Variants in LRBA observed in about 807,000 individuals in gnomAD.
LRBA encodes LPS responsive beige-like anchor protein, also known as lipopolysaccharide-responsive and beige-like anchor protein.
LRBA carries 176 observed loss-of-function variants against 330.0 expected under a neutral mutation model. That is an observed-to-expected ratio of 0.53 (90% CI 0.47 to 0.60). The LOEUF is 0.60. Ranked by LOEUF, LRBA falls within the 20% of genes least tolerant of loss-of-function variation. The probability of loss-of-function intolerance (pLI) is 0.00; values close to 1 mark genes in which losing one functional copy is unlikely to be tolerated. For missense variants in LRBA, 3,259 were observed against 3,444.8 expected, an observed-to-expected ratio of 0.95 and a Z score of 1.35; for synonymous variants, 1,230 against 1,193.0, an observed-to-expected ratio of 1.03 and a Z score of -0.64.
intron 37 of LRBA, among the ~76,000 whole-genome samples, chr4:150,674,603 A>C (rs1429453672): frequency 6.6e-6 from 1 of 152,206 alleles, no homozygotes; most frequent in Non-Finnish European, 1.5e-5. Context: ...CTGTTGGGTG[A>C]AGTGGCTCAT....
chr4:150,300,620 C>T (rs1729548684), intron 53 of LRBA, among the ~76,000 whole-genome samples: 2 of 151,724 alleles, frequency 1.3e-5, no homozygotes, highest in African/African-American at 2.4e-5. Context: ...TTTTTTTTTA[C>T]TACAAACCCC....
At chr4:150,873,434 T>C (rs1012796038) in intron 17 of LRBA, among the ~76,000 whole-genome samples, 2 of 151,794 alleles carry the variant, frequency 1.3e-5, no homozygotes, top group Non-Finnish European at 2.9e-5. Flanking sequence ...CTACTAAAAA[T>C]ACAAAAATTA....
In LRBA at chr4:150,844,180, T is replaced by C. The variant is rs1411258646; in HGVS notation, c.4489A>G (p.Ile1497Val). 6 of 1,609,588 alleles carry C rather than the reference T, an allele frequency of 3.7e-6. No individual in the cohort carries two copies. Among genetic ancestry groups the C allele is most frequent in the Non-Finnish European group, 5.1e-6 (6 of 1,176,872 alleles). ...CTGTCAAGATCTCTTACTGGAGATA[T>C]ACCGCCAGTCACAATGTCCACTGGG... ...KSPVDIVTGG[I>V]SPVRDLDRLL... The change falls in exon 28 of 57, where the codon ATA (isoleucine) becomes GTA (valine). Residue 1497 changes from isoleucine to valine, a missense_variant. Ile to Val is a conservative substitution (Grantham distance 29). Transcript: ENST00000651943.
intron 4 of LRBA, among the ~76,000 whole-genome samples, chr4:150,927,492 A>G (rs1170777545): frequency 2.0e-5 from 3 of 152,174 alleles, no homozygotes; most frequent in African/African-American, 7.2e-5. Context: ...AATAAAAACT[A>G]TCTAAAATAA....
chr4:150,943,130 A>G (rs966218662), intron 2 of LRBA, among the ~76,000 whole-genome samples: 10 of 152,218 alleles, frequency 6.6e-5, no homozygotes, highest in African/African-American at 2.4e-4. Context: ...ATGATCAAAT[A>G]AGTCTAAGAA....
At chr4:150,650,793 A>T (rs1177318403) in intron 37 of LRBA, among the ~76,000 whole-genome samples, 1 of 148,598 alleles carries the variant, frequency 6.7e-6, no homozygotes, top group Non-Finnish European at 1.5e-5. Flanking sequence ...CAAAAAGACC[A>T]AAAAAAAAAG....
intron 54 of LRBA, among the ~76,000 whole-genome samples, chr4:150,284,617 C>T (rs1385006561): frequency 1.3e-5 from 2 of 152,128 alleles, no homozygotes; most frequent in Admixed American, 6.5e-5. Context: ...TTACTACAGC[C>T]TTCACCTCCT....
In LRBA at chr4:150,746,975, T is replaced by C. The variant is rs529754017; in HGVS notation, c.5646-11609A>G. On this transcript the variant is annotated intron_variant, in intron 35 of 56. Coordinates refer to ENST00000651943, the MANE Select transcript of LRBA (RefSeq NM_001364905.1). ...TGGGATCATCTTTCTAAAATGAAAATCTGATAATCACTGTATTGTTGACAA... is the reference window on the plus strand; with the variant it reads ...TGGGATCATCTTTCTAAAATGAAAACCTGATAATCACTGTATTGTTGACAA... Among the ~76,000 whole-genome samples the C allele has an allele frequency of 1.3e-5, 2 of 152,182 alleles. 1 individual carries two copies. The highest frequency in any genetic ancestry group is 4.1e-4 in the South Asian group (2 of 4,822).
At chr4:150,366,145 T>G (rs2151853846) in intron 47 of LRBA, among the ~76,000 whole-genome samples, 1 of 152,244 alleles carries the variant, frequency 6.6e-6, no homozygotes, top group Non-Finnish European at 1.5e-5. Flanking sequence ...CTATAACTGA[T>G]AAGAAAAAAC....
At chr4:150,412,423 A>G (rs1210364861) in intron 47 of LRBA, among the ~76,000 whole-genome samples, 1 of 152,212 alleles carries the variant, frequency 6.6e-6, no homozygotes, top group African/African-American at 2.4e-5. Context: ...TTGTAAAGCA[A>G]TTACGTAAAC....
At chr4:151,014,386 A>G (rs769179289) in intron 2 of LRBA, 41 bp downstream of exon 2, 36 of 1,517,306 alleles carry the variant, frequency 2.4e-5, no homozygotes, top group Non-Finnish European at 3.3e-5. Context: ...TCCCCAACCC[A>G]CTGAAAAGAG....
At chr4:150,793,438 C>T (rs1163274398) in intron 34 of LRBA, among the ~76,000 whole-genome samples, 1 of 152,030 alleles carries the variant, frequency 6.6e-6, no homozygotes, top group Non-Finnish European at 1.5e-5. Context: ...AATATAAAAA[C>T]TAATTAATAC....
At chr4:150,629,784 A>G (rs1454901436) in intron 37 of LRBA, among the ~76,000 whole-genome samples, 1 of 152,146 alleles carries the variant, frequency 6.6e-6, no homozygotes, top group Non-Finnish European at 1.5e-5. Flanking sequence ...AGCCTGGCCA[A>G]CATGATGAAA....
chr4:150,435,375 AAAAAC>A (rs1266276160), intron 46 of LRBA, among the ~76,000 whole-genome samples: 1 of 152,054 alleles, frequency 6.6e-6, no homozygotes, highest in Non-Finnish European at 1.5e-5. Context: ...AAACAAAAAC[AAAAAC>A]AAAACAATAA....
chr4:150,794,916 A>T (rs1334133757), intron 34 of LRBA, among the ~76,000 whole-genome samples: 2 of 152,140 alleles, frequency 1.3e-5, no homozygotes, highest in African/African-American at 4.8e-5. Context: ...TTTATCTGAC[A>T]GCCCTCTCCG....
At chr4:150,351,684 G>A (rs1388669854) in intron 47 of LRBA, among the ~76,000 whole-genome samples, 5 of 152,046 alleles carry the variant, frequency 3.3e-5, no homozygotes, top group Admixed American at 1.3e-4. Flanking sequence ...GTGAGACTCC[G>A]TCTCAAAAAA....
chr4:150,903,594 G>T (rs1321307094), intron 13 of LRBA, among the ~76,000 whole-genome samples: 1 of 151,954 alleles, frequency 6.6e-6, no homozygotes, highest in Admixed American at 6.6e-5. Flanking sequence ...ACAAAAATTA[G>T]CTGTGTGTGG....
At chr4:150,615,161 T>C (rs778352245) in intron 37 of LRBA, among the ~76,000 whole-genome samples, 6 of 152,186 alleles carry the variant, frequency 3.9e-5, no homozygotes, top group Non-Finnish European at 7.4e-5. Context: ...AATGATGGAA[T>C]GTAGGAGGCC....
At chr4:150,436,143 G>A (rs975305591) in intron 45 of LRBA, among the ~76,000 whole-genome samples, 3 of 152,134 alleles carry the variant, frequency 2.0e-5, no homozygotes, top group African/African-American at 7.2e-5. Flanking sequence ...ACACATATTA[G>A]TGGATAATTG....
Sources: allele counts gnomAD v4.1 joint callset (sites outside exome capture counted in the v4.1 genomes callset), GRCh38; gene constraint gnomAD v4.1.1; transcripts MANE v1.5; gene names NCBI Gene and HGNC (gene_info 2026-07-23, HGNC 2026-07-21).